Variants in HCLS1 observed in about 807,000 individuals in gnomAD.
HCLS1 encodes hematopoietic lineage cell-specific protein.
HCLS1 carries 44 observed loss-of-function variants against 68.6 expected under a neutral mutation model. The observed-to-expected ratio is 0.64, with a 90% CI of 0.50 to 0.82. HCLS1 has a LOEUF of 0.82. Ranked by LOEUF, HCLS1 falls within the 40% of genes least tolerant of loss-of-function variation. The probability of loss-of-function intolerance (pLI) is 0.00; values close to 1 mark genes in which losing one functional copy is unlikely to be tolerated. For missense variants in HCLS1, 602 were observed against 612.1 expected, an observed-to-expected ratio of 0.98 and a Z score of 0.17; for synonymous variants, 217 against 225.8, an observed-to-expected ratio of 0.96 and a Z score of 0.35.
At position 121,631,733 on chromosome 3, in the gene HCLS1, A is replaced by C; in HGVS notation, c.*113T>G. ...AGCCCTTAATGAAGCAGGAGAGGGA[A>C]GTCTGTCCAGAACCTCATCTGGTTA... is the stretch of plus-strand genomic sequence containing the variant. On this transcript the variant is annotated 3_prime_UTR_variant, in exon 14 of 14. Transcript: ENST00000314583. The C allele has an allele frequency of 2.6e-6, 3 of 1,140,080 alleles. No individual in the cohort carries two copies. Among genetic ancestry groups the C allele is most frequent in the Non-Finnish European group, 3.8e-6 (3 of 791,780 alleles). 70.6% of individuals were successfully genotyped at this position (1,140,080 alleles called of 1,614,324 possible).
At chr3:121,641,665 A>T (rs1360173222) in intron 6 of HCLS1, among the ~76,000 whole-genome samples, 1 of 152,218 alleles carries the variant, frequency 6.6e-6, no homozygotes, top group African/African-American at 2.4e-5. Context: ...ACTCAGGAAG[A>T]GATTGTGATT....
intron 3 of HCLS1, among the ~76,000 whole-genome samples, chr3:121,650,216 A>G (rs537403540): frequency 6.6e-6 from 1 of 152,302 alleles, no homozygotes; most frequent in African/African-American, 2.4e-5. Context: ...GGATTGGAAA[A>G]CTCAATATCA....
intron 8 of HCLS1, among the ~76,000 whole-genome samples, chr3:121,636,218 T>C (rs557606670): frequency 2.0e-5 from 3 of 152,218 alleles, no homozygotes; most frequent in East Asian, 1.9e-4. Context: ...TGTCTCTCTG[T>C]ATGCCTCTCC....
chr3:121,642,291 C>G (rs998058403), intron 6 of HCLS1, among the ~76,000 whole-genome samples: 2 of 127,684 alleles, frequency 1.6e-5, no homozygotes, highest in African/African-American at 5.9e-5. Context: ...AACCCCGTCT[C>G]TACTAAAAAT....
At chr3:121,642,033 T>TTG in intron 6 of HCLS1, among the ~76,000 whole-genome samples, 1 of 122,780 alleles carries the variant, frequency 8.1e-6, no homozygotes, top group Non-Finnish European at 1.6e-5. Flanking sequence ...TGAGCCGAGA[T>TTG]CCAGCCACTG....
Position 121,644,809 on chromosome 3 carries a change from G to A in HCLS1, c.399+9C>T. 6.3e-7 allele frequency: 1 copy of A among 1,590,424 alleles called. No individual in the cohort carries two copies. Among genetic ancestry groups the A allele is most frequent in the Non-Finnish European group, 8.6e-7 (1 of 1,158,324 alleles). On this transcript the variant is annotated intron_variant, in intron 5 of 13. Coordinates refer to ENST00000314583, the MANE Select transcript of HCLS1 (RefSeq NM_005335.6). ...AGGTGGGTGGTTGGGAGAGAGAGTGGTCACTTACCTTGTCTGCCCTGTCCC... is the reference window on the plus strand; with the variant it reads ...AGGTGGGTGGTTGGGAGAGAGAGTGATCACTTACCTTGTCTGCCCTGTCCC...
chr3:121,634,491 A>G (rs940013633), intron 9 of HCLS1, 73 bp from the exon 10 acceptor site: 31 of 1,367,128 alleles, frequency 2.3e-5, no homozygotes, highest in Non-Finnish European at 2.9e-5. Flanking sequence ...ACTTGAAGGA[A>G]GAAGGGGAAT....
At chr3:121,659,468 T>C (rs1937944927) in intron 1 of HCLS1, among the ~76,000 whole-genome samples, 1 of 152,112 alleles carries the variant, frequency 6.6e-6, no homozygotes, top group Non-Finnish European at 1.5e-5. Flanking sequence ...TTACAACCAC[T>C]CCTCGGGTTC....
intron 4 of HCLS1, among the ~76,000 whole-genome samples, chr3:121,646,616 T>C (rs1334101232): frequency 2.6e-5 from 3 of 114,518 alleles, no homozygotes; most frequent in Admixed American, 1.2e-4. Flanking sequence ...ATACTTATTA[T>C]ATATTATATA....
At chr3:121,657,686 C>A (rs964450037) in intron 2 of HCLS1, among the ~76,000 whole-genome samples, 1 of 152,064 alleles carries the variant, frequency 6.6e-6, no homozygotes, top group African/African-American at 2.4e-5. Context: ...GGTGTGGTGG[C>A]ATGCACCTGT....
chr3:121,648,164 C>T (rs1937651669), intron 3 of HCLS1, among the ~76,000 whole-genome samples: 1 of 152,106 alleles, frequency 6.6e-6, no homozygotes, highest in South Asian at 2.1e-4. Context: ...TCCCCCCAGG[C>T]TGATAATACC....
intron 3 of HCLS1, chr3:121,656,899 T>C (rs9859116): frequency 0.037 from 6,196 of 169,736 alleles, 177 homozygotes; most frequent in Non-Finnish European, 0.054. Context: ...TCTGAAGAGA[T>C]AGATAGGAGA....
chr3:121,641,475 T>C (rs1055678032), intron 6 of HCLS1, among the ~76,000 whole-genome samples: 4 of 152,168 alleles, frequency 2.6e-5, no homozygotes, highest in African/African-American at 7.2e-5. Flanking sequence ...AGCTAGGAAA[T>C]AGGTAAATAC....
Sources: gnomAD v4.1 joint callset for allele counts (sites outside exome capture counted in the v4.1 genomes callset) on GRCh38, gnomAD v4.1.1 for gene constraint, MANE v1.5 for transcripts, NCBI Gene and HGNC (gene_info 2026-07-23, HGNC 2026-07-21) for gene names.